Variants in PAK6 observed in about 807,000 individuals in gnomAD.
PAK6 encodes the protein p21 (RAC1) activated kinase 6, also known as serine/threonine-protein kinase PAK 6.
A neutral mutation model predicts 60.8 loss-of-function variants in PAK6; 33 were observed. The observed-to-expected ratio is 0.54, with a 90% CI of 0.41 to 0.73. PAK6 has a LOEUF of 0.73. Ranked by LOEUF, PAK6 falls within the 30% of genes least tolerant of loss-of-function variation. PAK6 has a pLI of 0.00. For synonymous variants in PAK6, 404 were observed against 378.5 expected, an observed-to-expected ratio of 1.07 and a Z score of -0.78; for missense variants, 845 against 904.1, an observed-to-expected ratio of 0.93 and a Z score of 0.84.
In PAK6 at chr15:40,264,958, G is replaced by A. The variant is rs771018312; in HGVS notation, c.173G>A (p.Arg58Gln). Residue 58 changes from arginine to glutamine, a missense_variant, in exon 4 of 11, where the codon CGA (arginine) becomes CAA (glutamine). Physicochemically the swap from Arg to Gln is conservative, Grantham distance 43 (BLOSUM62 1). Transcript: ENST00000560346. ...CCCAAGCCCGTGGTGGACCCTTCGCGAATCACACGGGTGCAGCTCCAGCCC... is the reference window on the plus strand; with the variant it reads ...CCCAAGCCCGTGGTGGACCCTTCGCAAATCACACGGGTGCAGCTCCAGCCC... The A allele has an allele frequency of 3.1e-6, 5 of 1,613,522 alleles. No individual in the cohort carries two copies. Among genetic ancestry groups the A allele is most frequent in the Admixed American group, 3.3e-5 (2 of 60,012 alleles).
chr15:40,265,968 G>A (rs768608561), exon 5 of PAK6: 61 of 1,603,996 alleles, frequency 3.8e-5, no homozygotes, highest in Non-Finnish European at 3.7e-5. Flanking sequence ...CCGGCGGCGG[G>A]CACAGTCCCT....
At chr15:40,272,295 C>T (rs1341756309) in exon 6 of PAK6, 2 of 1,614,062 alleles carry the variant, frequency 1.2e-6, no homozygotes, top group Non-Finnish European at 1.7e-6. Context: ...AGTCCTTGCC[C>T]TCGGACCAGC....
chr15:40,275,577 G>A (rs942476020), intron 10 of PAK6, among the ~76,000 whole-genome samples: 3 of 152,000 alleles, frequency 2.0e-5, no homozygotes, highest in Admixed American at 6.6e-5. Flanking sequence ...GAGCCACTGC[G>A]CCCAGCGACC....
chr15:40,264,363 G>A (rs1489154860), intron 3 of PAK6: 1 of 451,298 alleles, frequency 2.2e-6, no homozygotes. Context: ...CTGGTTTTAA[G>A]AATCAAGGTC....
chr15:40,270,900 G>A (rs543521555), intron 5 of PAK6, among the ~76,000 whole-genome samples: 110 of 152,298 alleles, frequency 7.2e-4, no homozygotes, highest in African/African-American at 2.4e-3. Context: ...GCGGGGGGTC[G>A]GGGAAGGAAG....
intron 3 of PAK6, among the ~76,000 whole-genome samples, chr15:40,255,096 T>C (rs112657491): frequency 0.042 from 6,450 of 152,148 alleles, 183 homozygotes; most frequent in East Asian, 0.059. Context: ...TAGCATAGGG[T>C]TCCAATGCCA....
exon 11 of PAK6, chr15:40,276,217 C>T (rs2039451845): frequency 1.1e-6 from 1 of 944,528 alleles, no homozygotes. Flanking sequence ...AATGTGAAGC[C>T]CCAGCCCCAC....
chr15:40,251,286 T>G lies in PAK6; in HGVS notation c.-117-1892T>G, dbSNP rs2038660365. On this transcript the variant is annotated intron_variant, in intron 2 of 10. Coordinates refer to ENST00000560346, the Ensembl canonical transcript of PAK6. ...TCCCACAGCACAGAGGGCCAGCATC[T>G]GCACCTGGCACCATGCTTTCCCTAG... 4 of 152,396 alleles carry G rather than the reference T, an allele frequency of 2.6e-5. No individual in the cohort carries two copies. The South Asian group carries it at 8.3e-4, about 32-fold the overall frequency. The allele number at this position is 152,396 out of a possible 1,614,324, so 9.4% of individuals were successfully genotyped here. A position where few individuals can be genotyped will look rare whatever the true frequency, so the allele number is the denominator to read the frequency against.
intron 5 of PAK6, among the ~76,000 whole-genome samples, chr15:40,269,238 T>G (rs1391890490): frequency 6.6e-6 from 1 of 152,180 alleles, no homozygotes; most frequent in Non-Finnish European, 1.5e-5. Context: ...AGGCTGGTCT[T>G]GAACTCCTGA....
At chr15:40,254,425 C>T (rs2038780858) in intron 3 of PAK6, among the ~76,000 whole-genome samples, 1 of 152,122 alleles carries the variant, frequency 6.6e-6, no homozygotes, top group South Asian at 2.1e-4. Flanking sequence ...GTGAGAGACC[C>T]TAATTCAGGG....
At chr15:40,247,804 G>A (rs1305727813) in intron 2 of PAK6, among the ~76,000 whole-genome samples, 1 of 152,200 alleles carries the variant, frequency 6.6e-6, no homozygotes, top group Non-Finnish European at 1.5e-5. Flanking sequence ...GACCTGTTGG[G>A]TTGATTTAGT....
chr15:40,266,160 G>A (rs1396079549), exon 5 of PAK6: 2 of 1,609,038 alleles, frequency 1.2e-6, no homozygotes, highest in Admixed American at 3.3e-5. Flanking sequence ...TGGGCTGGCT[G>A]CAAAGGCACA....
intron 2 of PAK6, chr15:40,252,956 G>A (rs1476880431): frequency 2.1e-5 from 18 of 851,136 alleles, no homozygotes; most frequent in Non-Finnish European, 2.8e-5. Context: ...CCGGGTCGGA[G>A]TGTGGCTGGA....
chr15:40,266,563 C>G, intron 5 of PAK6, 68 bp downstream of exon 5: 1 of 1,441,970 alleles, frequency 6.9e-7, no homozygotes, highest in Non-Finnish European at 9.2e-7. Context: ...CCTTGCCTAG[C>G]CTTCCCCTTG....
intron 5 of PAK6, among the ~76,000 whole-genome samples, chr15:40,269,166 G>A (rs183023916): frequency 2.2e-4 from 33 of 152,134 alleles, no homozygotes; most frequent in Admixed American, 1.8e-3. Flanking sequence ...TTACAGGCAC[G>A]CTCCACCATA....
intron 3 of PAK6, among the ~76,000 whole-genome samples, chr15:40,255,656 T>C (rs2038813839): frequency 6.6e-6 from 1 of 152,086 alleles, no homozygotes; most frequent in Admixed American, 6.5e-5. Flanking sequence ...CTCCTGACTC[T>C]CAAGTCACGT....
exon 5 of PAK6, chr15:40,266,490 A>G: frequency 1.9e-6 from 3 of 1,600,512 alleles, no homozygotes; most frequent in Non-Finnish European, 1.7e-6. Flanking sequence ...TCCACCACAG[A>G]GCAAGGTAAG....
At chr15:40,241,073 G>A (rs1273414159) in intron 2 of PAK6, among the ~76,000 whole-genome samples, 1 of 152,190 alleles carries the variant, frequency 6.6e-6, no homozygotes, top group African/African-American at 2.4e-5. Context: ...CACACCCTTT[G>A]GCTGGGTTTG....
chr15:40,266,753 C>T (rs766177523), intron 5 of PAK6: 313 of 421,286 alleles, frequency 7.4e-4, no homozygotes, highest in Non-Finnish European at 1.2e-3. Context: ...AGTGTGTGGC[C>T]ATAGGAAAAG....
Sources: allele counts gnomAD v4.1 joint callset (sites outside exome capture counted in the v4.1 genomes callset), GRCh38; gene constraint gnomAD v4.1.1; transcripts MANE v1.5; gene names NCBI Gene and HGNC (gene_info 2026-07-23, HGNC 2026-07-21).